The following RBM20 variants were observed in gnomAD, a reference collection of about 807,000 sequenced individuals.
RBM20 encodes RNA-binding protein 20.
RBM20 carries 51 observed loss-of-function variants against 110.1 expected under a neutral mutation model. The observed-to-expected ratio is 0.46, with a 90% CI of 0.37 to 0.59. RBM20 has a LOEUF of 0.59. Among genes scored for constraint, RBM20 ranks in the 20% least tolerant of loss-of-function variants. The pLI is 0.00. For missense variants in RBM20, 1,512 were observed against 1,574.9 expected, an observed-to-expected ratio of 0.96 and a Z score of 0.68; for synonymous variants, 589 against 618.2, an observed-to-expected ratio of 0.95 and a Z score of 0.70.
At chr10:110,799,765 G>T in intron 6 of RBM20, 22 bp from the exon 7 acceptor site, 2 of 1,547,360 alleles carry the variant, frequency 1.3e-6, no homozygotes, top group Non-Finnish European at 1.7e-6. Flanking sequence ...AGTCCAGTGA[G>T]TGTCCTTCCT....
rs1458786469 is a variant in RBM20, at chr10:110,727,330, G to T, written c.192-53471G>T. On this transcript the variant is annotated intron_variant, in intron 1 of 13. Transcript: ENST00000369519. ...ATTCTGGTGTTTGGTGTCAGGTGTG[G>T]GCTGCAATTGTATCTTTTTCCAAAT... 4.1e-5 allele frequency among the ~76,000 whole-genome samples: 6 copies of T among 147,754 alleles called. No homozygotes were observed. The South Asian group carries it at 1.1e-3, about 26-fold the overall frequency.
chr10:110,807,120 C>T (rs1324288708), intron 7 of RBM20, among the ~76,000 whole-genome samples: 1 of 152,198 alleles, frequency 6.6e-6, no homozygotes, highest in Non-Finnish European at 1.5e-5. Context: ...CATATTCATT[C>T]TCTGCAGCCA....
At chr10:110,770,887 G>A (rs1192839543) in intron 1 of RBM20, among the ~76,000 whole-genome samples, 4 of 152,198 alleles carry the variant, frequency 2.6e-5, no homozygotes, top group African/African-American at 4.8e-5. Flanking sequence ...ATTTTCTTCC[G>A]ATTTGGTTAA....
At chr10:110,725,947 C>T (rs901701982) in intron 1 of RBM20, among the ~76,000 whole-genome samples, 5 of 151,838 alleles carry the variant, frequency 3.3e-5, no homozygotes, top group Non-Finnish European at 7.4e-5. Context: ...CCCCCTCCCC[C>T]GACCCCATCC....
At position 110,812,368 on chromosome 10, in the gene RBM20, TTCCCACAGCCC is replaced by T. The variant is rs1463077956; in HGVS notation, c.1975_1985del (p.His659GlyfsTer6). ...CTCCCAGCTTCACCTCCTGCAGCTC[TTCCCACAGCCC>T]TCCGGGCCCCTCCCGGGCTGACTGG... On this transcript the variant is annotated frameshift_variant, in exon 9 of 14. Transcript: ENST00000369519. LOFTEE classifies it high-confidence loss of function. 6.4e-7 allele frequency: 1 copy of T among 1,551,554 alleles called. No homozygotes were observed. Among genetic ancestry groups the T allele is most frequent in the South Asian group, 1.2e-5 (1 of 84,062 alleles).
At chr10:110,664,520 A>T in intron 1 of RBM20, among the ~76,000 whole-genome samples, 1 of 152,118 alleles carries the variant, frequency 6.6e-6, no homozygotes, top group East Asian at 1.9e-4. Flanking sequence ...GCTGAGAGGG[A>T]GGAATCACCT....
chr10:110,834,441 T>C (rs1194099953), intron 13 of RBM20, among the ~76,000 whole-genome samples: 1 of 152,106 alleles, frequency 6.6e-6, no homozygotes, highest in East Asian at 1.9e-4. Context: ...GAAGGGAGGG[T>C]GAGGACAACA....
At chr10:110,794,258 T>G (rs1215717973) in intron 5 of RBM20, among the ~76,000 whole-genome samples, 1 of 152,228 alleles carries the variant, frequency 6.6e-6, no homozygotes, top group South Asian at 2.1e-4. Context: ...TGAACCTAAA[T>G]GGAGTTCAAC....
rs139897095 is a variant in RBM20 at position 110,702,430 on chromosome 10, G to A, written c.191+57785G>A. On this transcript the variant is annotated intron_variant, in intron 1 of 13. Coordinates refer to ENST00000369519, the MANE Select transcript of RBM20 (RefSeq NM_001134363.3). ...ACACACCTGTAGTCCCAGCTAGTCT[G>A]GAGGCTGAGGCAGGAAGATTACTTG... is the stretch of plus-strand genomic sequence containing the variant. Among the ~76,000 whole-genome samples the A allele has an allele frequency of 2.7e-4, 41 of 152,306 alleles. No individual in the cohort carries two copies. The East Asian group carries it at 7.9e-3, about 29-fold the overall frequency.
At chr10:110,715,780 C>T (rs942821801) in intron 1 of RBM20, among the ~76,000 whole-genome samples, 2 of 152,168 alleles carry the variant, frequency 1.3e-5, no homozygotes, top group Admixed American at 1.3e-4. Context: ...TGAAGGGTCT[C>T]ACCCCTGCAA....
chr10:110,698,198 G>A lies in RBM20; in HGVS notation c.191+53553G>A, dbSNP rs373337537. On this transcript the variant is annotated intron_variant, in intron 1 of 13. Coordinates refer to ENST00000369519, the MANE Select transcript of RBM20 (RefSeq NM_001134363.3). ...GCTGGGATTACAGGCGTGAGCCACCGCGCCCGGCCCTTGTTTCTTATATTA... is the reference window on the plus strand; with the variant it reads ...GCTGGGATTACAGGCGTGAGCCACCACGCCCGGCCCTTGTTTCTTATATTA... Among the ~76,000 whole-genome samples, 796 of 152,218 alleles carry A rather than the reference G, an allele frequency of 5.2e-3. 5 individuals are homozygous for A. Among genetic ancestry groups the A allele is most frequent in the African/African-American group, 0.018 (748 of 41,532 alleles).
intron 1 of RBM20, among the ~76,000 whole-genome samples, chr10:110,679,100 A>G (rs1440262541): frequency 6.6e-6 from 1 of 152,226 alleles, no homozygotes; most frequent in East Asian, 1.9e-4. Flanking sequence ...CTTCTTATTT[A>G]TAAGTACTCC....
chr10:110,762,181 G>A (rs1844013493), intron 1 of RBM20, among the ~76,000 whole-genome samples: 1 of 152,244 alleles, frequency 6.6e-6, no homozygotes, highest in African/African-American at 2.4e-5. Flanking sequence ...GAGCTTCAAT[G>A]TTCTAATCTG....
At chr10:110,754,658 T>C (rs1349283337) in intron 1 of RBM20, among the ~76,000 whole-genome samples, 1 of 152,262 alleles carries the variant, frequency 6.6e-6, no homozygotes, top group African/African-American at 2.4e-5. Context: ...TTTTAAATTT[T>C]TCCTTTCTAG....
rs372999896 is a variant in RBM20 at position 110,781,660 on chromosome 10, G to C, written c.1051G>C (p.Asp351His). 17 of 1,548,412 alleles carry C rather than the reference G, an allele frequency of 1.1e-5. No homozygotes were observed. The East Asian group carries it at 2.7e-4, about 25-fold the overall frequency. The change falls in exon 2 of 14, where the codon GAC becomes CAC. Residue 351 changes from aspartate (D) to histidine (H), a missense_variant. Asp to His is a moderately conservative substitution (Grantham distance 81). This residue lies in a region of RBM20 where 1,149 missense variants were observed against 1,169.4 expected (regional missense o/e 0.98). Coordinates refer to ENST00000369519, the MANE Select transcript of RBM20 (RefSeq NM_001134363.3). ...PPHNQPYELY[D>H]PEEPTSDRTP... is the part of the protein sequence containing the mutation. Reference sequence around the variant, plus strand: ...CCACAACCAGCCCTATGAGCTGTACGACCCCGAGGAACCAACCTCAGACAG... The same window carrying C: ...CCACAACCAGCCCTATGAGCTGTACCACCCCGAGGAACCAACCTCAGACAG...
chr10:110,765,920 A>G (rs533664694), intron 1 of RBM20, among the ~76,000 whole-genome samples: 4 of 152,304 alleles, frequency 2.6e-5, no homozygotes, highest in South Asian at 2.1e-4. Context: ...CTTCCCCCAC[A>G]TGCATATGCT....
intron 1 of RBM20, among the ~76,000 whole-genome samples, chr10:110,686,500 C>A (rs1862507047): frequency 6.6e-6 from 1 of 152,054 alleles, no homozygotes; most frequent in South Asian, 2.1e-4. Context: ...TAGCGCACGC[C>A]TGTAGTCCCA....
At chr10:110,824,102 C>G (rs1307048292) in intron 12 of RBM20, among the ~76,000 whole-genome samples, 1 of 152,144 alleles carries the variant, frequency 6.6e-6, no homozygotes, top group Non-Finnish European at 1.5e-5. Context: ...CTTGCAATTT[C>G]AGTCTCCCGT....
At chr10:110,796,752 T>G (rs892653578) in intron 5 of RBM20, among the ~76,000 whole-genome samples, 9 of 152,118 alleles carry the variant, frequency 5.9e-5, no homozygotes, top group Non-Finnish European at 1.0e-4. Flanking sequence ...GACTCTGACT[T>G]CTTAAAAAAA....
Sources: allele counts gnomAD v4.1 joint callset (sites outside exome capture counted in the v4.1 genomes callset), GRCh38; gene constraint gnomAD v4.1.1; regional missense constraint gnomAD v4.1.1; transcripts MANE v1.5; gene names NCBI Gene and HGNC (gene_info 2026-07-23, HGNC 2026-07-21).